DNAH9: variants seen among roughly 807,000 people sequenced by gnomAD.
DNAH9 encodes dynein axonemal heavy chain 9, also known as DNAH9 variant protein.
Under a neutral mutation model 471.6 loss-of-function variants are expected in DNAH9, and 345 were observed. That is an observed-to-expected ratio of 0.73 (90% confidence interval 0.67 to 0.80). The LOEUF (loss-of-function observed/expected upper bound fraction) is 0.80, where lower values mean the gene tolerates loss of function less well. DNAH9 is among the 30% of genes least tolerant of loss of function. The pLI is 0.00. For missense variants in DNAH9, 5,407 were observed against 5,609.2 expected, an observed-to-expected ratio of 0.96 and a Z score of 1.15; for synonymous variants, 2,093 against 2,123.6, an observed-to-expected ratio of 0.99 and a Z score of 0.40.
At chr17:11,841,520 T>A (rs116185927) in intron 49 of DNAH9, among the ~76,000 whole-genome samples, 1,743 of 152,254 alleles carry the variant, frequency 0.011, 28 homozygotes, top group African/African-American at 0.038. Flanking sequence ...AATCTGCATT[T>A]TTACATAAGA....
At chr17:11,638,284 G>A (rs915535157) in intron 9 of DNAH9, among the ~76,000 whole-genome samples, 2 of 152,072 alleles carry the variant, frequency 1.3e-5, no homozygotes, top group Non-Finnish European at 1.5e-5. Flanking sequence ...GACTTCTTAC[G>A]GTCAGATACA....
At chr17:11,659,306 T>C (rs775337013) in intron 14 of DNAH9, among the ~76,000 whole-genome samples, 4 of 152,230 alleles carry the variant, frequency 2.6e-5, no homozygotes, top group Admixed American at 6.5e-5. Context: ...CATTATGTGT[T>C]GGCAGAAGAG....
chr17:11,633,950 C>T (rs2073114011), intron 8 of DNAH9, among the ~76,000 whole-genome samples: 1 of 152,150 alleles, frequency 6.6e-6, no homozygotes, highest in Non-Finnish European at 1.5e-5. Context: ...GGAGTCTTGC[C>T]ATTGCTTTTC....
At chr17:11,843,810 T>C (rs906099610) in intron 49 of DNAH9, among the ~76,000 whole-genome samples, 1 of 146,696 alleles carries the variant, frequency 6.8e-6, no homozygotes, top group Non-Finnish European at 1.5e-5. Flanking sequence ...GTGATTGATA[T>C]GTATATTTGT....
At chr17:11,953,028 T>A (rs1975451251) in intron 67 of DNAH9, among the ~76,000 whole-genome samples, 1 of 152,124 alleles carries the variant, frequency 6.6e-6, no homozygotes, top group South Asian at 2.1e-4. Context: ...ACTGAGAGAT[T>A]TCTTCCTCTT....
chr17:11,821,742 C>T (rs1204601016), intron 45 of DNAH9, among the ~76,000 whole-genome samples, 178 bp from the exon 46 acceptor site: 2 of 152,212 alleles, frequency 1.3e-5, no homozygotes, highest in African/African-American at 2.4e-5. Flanking sequence ...TTAACATACT[C>T]GTTCTTCTGC....
intron 19 of DNAH9, 40 bp from the exon 20 acceptor site, chr17:11,689,526 T>C: frequency 6.4e-7 from 1 of 1,555,954 alleles, no homozygotes; most frequent in Non-Finnish European, 8.7e-7. Context: ...GATGGGCCCC[T>C]GCGTGCCATA....
intron 13 of DNAH9, 39 bp downstream of exon 13, chr17:11,651,363 G>A (rs775042473): frequency 6.3e-7 from 1 of 1,578,978 alleles, no homozygotes; most frequent in Admixed American, 1.8e-5. Flanking sequence ...AAAACATGGA[G>A]ATTCGAGGAT....
chr17:11,690,443 G>A lies in DNAH9; in HGVS notation c.4614+7G>A, dbSNP rs1234562977. ...TCGGGCACAGCTACCCCAGGTACCT[G>A]CTAAGGAAATCTAGAATCTCTCTAT... On this transcript the variant is annotated splice_region_variant and intron_variant, in intron 20 of 68. Coordinates refer to ENST00000262442, the MANE Select transcript of DNAH9 (RefSeq NM_001372.4). 1 of 1,609,664 alleles carries A rather than the reference G, an allele frequency of 6.2e-7. No individual in the cohort carries two copies.
At chr17:11,770,952 G>A (rs902870663) in intron 38 of DNAH9, among the ~76,000 whole-genome samples, 19 of 152,126 alleles carry the variant, frequency 1.2e-4, no homozygotes, top group Admixed American at 3.3e-4. Flanking sequence ...CAAGGAGTCA[G>A]GAAGAGATAC....
At chr17:11,925,181 A>G (rs769032609) in intron 62 of DNAH9, 3 of 455,652 alleles carry the variant, frequency 6.6e-6, no homozygotes, top group South Asian at 4.7e-5. Flanking sequence ...TTCCTTCTTT[A>G]CCTTTTATCA....
At chr17:11,765,881 C>A (rs545237667) in intron 36 of DNAH9, among the ~76,000 whole-genome samples, 3 of 152,140 alleles carry the variant, frequency 2.0e-5, no homozygotes, top group African/African-American at 7.2e-5. Flanking sequence ...CGTCAGACAG[C>A]GACTGCTGAG....
intron 28 of DNAH9, among the ~76,000 whole-genome samples, chr17:11,728,852 T>C (rs2075205225): frequency 6.6e-6 from 1 of 152,218 alleles, no homozygotes; most frequent in Non-Finnish European, 1.5e-5. Context: ...GTGGAAAAGC[T>C]GAACATCAGA....
At chr17:11,841,492 C>A (rs765210176) in intron 49 of DNAH9, among the ~76,000 whole-genome samples, 1 of 152,118 alleles carries the variant, frequency 6.6e-6, no homozygotes, top group African/African-American at 2.4e-5. Flanking sequence ...GTCACTTATG[C>A]GTCCATCTTG....
intron 56 of DNAH9, among the ~76,000 whole-genome samples, chr17:11,885,865 A>G (rs1416426256): frequency 6.6e-6 from 1 of 152,206 alleles, no homozygotes; most frequent in Admixed American, 6.5e-5. Context: ...CATCTTCAAT[A>G]AGGATCATTG....
chr17:11,951,752 G>A (rs931147775), intron 67 of DNAH9, among the ~76,000 whole-genome samples: 3 of 151,800 alleles, frequency 2.0e-5, no homozygotes, highest in African/African-American at 4.8e-5. Flanking sequence ...GTGAAACCCC[G>A]TCTCTACTAA....
intron 67 of DNAH9, among the ~76,000 whole-genome samples, chr17:11,954,243 G>A (rs542893718): frequency 1.4e-4 from 22 of 151,934 alleles, no homozygotes; most frequent in Middle Eastern, 3.4e-3. Flanking sequence ...GATGGGGAAG[G>A]GGGGGGCCAA....
In DNAH9 at chr17:11,669,192, A is replaced by G; in HGVS notation, c.2860A>G (p.Thr954Ala). 1 of 1,613,956 alleles carries G rather than the reference A, an allele frequency of 6.2e-7. No individual in the cohort carries two copies. The highest frequency in any genetic ancestry group is 8.5e-7 in the Non-Finnish European group (1 of 1,179,958). ...CTGTGACATTGTTGAGGGTCTCATC[A>G]CCAGCATTTTTAGGATACCATCTCT... ...GFCDIVEGLI[T>A]SIFRIPSLVP... The change falls in exon 16 of 69, where the codon ACC becomes GCC. Residue 954 changes from threonine (T) to alanine (A), a missense_variant. Physicochemically the swap from Thr to Ala is moderately conservative, Grantham distance 58. Around this residue, in one of 3 missense-constraint regions of DNAH9, gnomAD observed 4,636 missense variants for 4,900.3 expected, o/e 0.95. Coordinates refer to ENST00000262442, the MANE Select transcript of DNAH9 (RefSeq NM_001372.4).
At chr17:11,702,369 G>A (rs1359897551) in intron 24 of DNAH9, among the ~76,000 whole-genome samples, 5 of 152,184 alleles carry the variant, frequency 3.3e-5, no homozygotes, top group Admixed American at 3.3e-4. Flanking sequence ...GCTACAGTAG[G>A]CCACTCCTCC....
Sources: gnomAD v4.1 joint callset for allele counts (sites outside exome capture counted in the v4.1 genomes callset) on GRCh38, gnomAD v4.1.1 for gene constraint, gnomAD v4.1.1 regional missense constraint, MANE v1.5 for transcripts, NCBI Gene and HGNC (gene_info 2026-07-23, HGNC 2026-07-21) for gene names.